CCDC7: variants seen among roughly 807,000 people sequenced by gnomAD.
CCDC7 encodes coiled-coil domain containing 7.
CCDC7 carries 183 observed loss-of-function variants against 196.9 expected under a neutral mutation model. The ratio of observed to expected loss-of-function variants is 0.93; its 90% CI spans 0.82 to 1.05. The LOEUF (loss-of-function observed/expected upper bound fraction) is 1.05. Among genes scored for constraint, CCDC7 ranks in the 50% least tolerant of loss-of-function variants. CCDC7 has a pLI of 0.00. For synonymous variants in CCDC7, 525 were observed against 484.6 expected, an observed-to-expected ratio of 1.08 and a Z score of -1.10; for missense variants, 1,540 against 1,482.2, an observed-to-expected ratio of 1.04 and a Z score of -0.64.
intron 21 of CCDC7, among the ~76,000 whole-genome samples, chr10:32,681,578 A>G (rs1207358596): frequency 6.6e-6 from 1 of 152,096 alleles, no homozygotes; most frequent in Non-Finnish European, 1.5e-5. Context: ...ACTACCTCCT[A>G]TGCCTGCAGT....
intron 41 of CCDC7, among the ~76,000 whole-genome samples, chr10:32,862,168 A>T (rs896534947): frequency 3.9e-5 from 6 of 152,162 alleles, no homozygotes; most frequent in African/African-American, 1.4e-4. Flanking sequence ...AACCAACCCA[A>T]ATGCCCATCA....
chr10:32,541,007 A>G (rs1241901543), intron 11 of CCDC7, among the ~76,000 whole-genome samples: 3 of 150,362 alleles, frequency 2.0e-5, no homozygotes, highest in Middle Eastern at 3.6e-3. Context: ...TCAGGAACCA[A>G]TCAGTCATAG....
chr10:32,784,566 T>C (rs186895855), intron 29 of CCDC7, among the ~76,000 whole-genome samples: 147 of 151,280 alleles, frequency 9.7e-4, no homozygotes, highest in Non-Finnish European at 1.6e-3. Flanking sequence ...CTCATTTCTT[T>C]TTATAAGCCA....
chr10:32,717,249 A>G (rs549599745), intron 25 of CCDC7, among the ~76,000 whole-genome samples: 1 of 152,330 alleles, frequency 6.6e-6, no homozygotes, highest in East Asian at 1.9e-4. Context: ...AGACAACTAC[A>G]TGGAAACTGA....
At chr10:32,670,624 G>A (rs1308556939) in intron 21 of CCDC7, among the ~76,000 whole-genome samples, 1 of 142,634 alleles carries the variant, frequency 7.0e-6, no homozygotes. Context: ...TCCCACCTAT[G>A]AGTGAGAATA....
At chr10:32,676,650 C>A (rs549907297) in intron 21 of CCDC7, among the ~76,000 whole-genome samples, 1 of 151,990 alleles carries the variant, frequency 6.6e-6, no homozygotes, top group East Asian at 1.9e-4. Context: ...CAGAGAAATG[C>A]AAATCAAAAC....
chr10:32,628,988 T>C (rs1480450867), intron 18 of CCDC7, among the ~76,000 whole-genome samples: 2 of 152,192 alleles, frequency 1.3e-5, no homozygotes, highest in African/African-American at 4.8e-5. Context: ...TTGGATGGAA[T>C]ATTCTGTATA....
At chr10:32,634,001 A>G (rs77141768) in intron 18 of CCDC7, among the ~76,000 whole-genome samples, 2,161 of 152,118 alleles carry the variant, frequency 0.014, 33 homozygotes, top group Middle Eastern at 0.027. Flanking sequence ...CATTCTAGAT[A>G]TGCATTTTTT....
chr10:32,789,171 C>A (rs1488463675), intron 29 of CCDC7, among the ~76,000 whole-genome samples: 1 of 139,700 alleles, frequency 7.2e-6, no homozygotes, highest in Non-Finnish European at 1.5e-5. Context: ...TGTGAAAATA[C>A]CAATGCATGG....
chr10:32,810,980 A>C (rs1042785826), intron 30 of CCDC7, among the ~76,000 whole-genome samples: 6 of 152,230 alleles, frequency 3.9e-5, no homozygotes, highest in Non-Finnish European at 8.8e-5. Context: ...GAAAATGAAA[A>C]TGCAACATAT....
chr10:32,740,007 C>G (rs2085550277), intron 28 of CCDC7, among the ~76,000 whole-genome samples: 1 of 152,074 alleles, frequency 6.6e-6, no homozygotes, highest in African/African-American at 2.4e-5. Context: ...CTATAATCCT[C>G]TAATTAGGTC....
At chr10:32,673,832 C>G (rs1412631618) in intron 21 of CCDC7, among the ~76,000 whole-genome samples, 2 of 151,922 alleles carry the variant, frequency 1.3e-5, no homozygotes, top group Non-Finnish European at 1.5e-5. Context: ...TTGATTCAGT[C>G]TTGGTAGGTT....
exon 24 of CCDC7, chr10:32,694,890 G>A: frequency 1.3e-6 from 2 of 1,592,912 alleles, no homozygotes; most frequent in Non-Finnish European, 1.7e-6. Context: ...TCATGATGAA[G>A]AACCAGGCAA....
intron 33 of CCDC7, among the ~76,000 whole-genome samples, chr10:32,837,077 A>T (rs2092662512): frequency 6.6e-6 from 1 of 152,168 alleles, no homozygotes; most frequent in Non-Finnish European, 1.5e-5. Flanking sequence ...GACAAACGGG[A>T]TCTAATTAAA....
chr10:32,551,407 C>T (rs955121427), intron 13 of CCDC7, among the ~76,000 whole-genome samples: 1 of 151,938 alleles, frequency 6.6e-6, no homozygotes, highest in Non-Finnish European at 1.5e-5. Flanking sequence ...TAGTTCTGCT[C>T]TGATCTTGGT....
chr10:32,821,296 A>G (rs1201059067), intron 31 of CCDC7, among the ~76,000 whole-genome samples: 2 of 152,154 alleles, frequency 1.3e-5, no homozygotes, highest in African/African-American at 4.8e-5. Flanking sequence ...GGCGATCATT[A>G]AAAAGTCAGG....
In CCDC7 at chr10:32,488,946, T is replaced by C. The variant is rs906526826; in HGVS notation, c.797-2976T>C. ...TGTGGCAGTTTAGTGTTCATGTAGC[T>C]TTTTCGGCTGTGGTTGATATGGGTA... On this transcript the variant is annotated intron_variant, in intron 8 of 41. Coordinates refer to ENST00000639629, the Ensembl canonical transcript of CCDC7. 3.9e-5 allele frequency among the ~76,000 whole-genome samples: 6 copies of C among 152,162 alleles called. No homozygotes were observed. The South Asian group carries it at 1.2e-3, about 32-fold the overall frequency.
chr10:32,799,813 G>A (rs2084402199), intron 29 of CCDC7, among the ~76,000 whole-genome samples: 1 of 152,192 alleles, frequency 6.6e-6, no homozygotes, highest in Admixed American at 6.5e-5. Flanking sequence ...TAATGGACCA[G>A]TGTGATATCT....
intron 11 of CCDC7, among the ~76,000 whole-genome samples, chr10:32,536,427 T>C (rs535450976): frequency 6.6e-6 from 1 of 152,206 alleles, no homozygotes; most frequent in Non-Finnish European, 1.5e-5. Context: ...GATTTTGAGA[T>C]GGCTTTTTGA....
Sources: allele counts gnomAD v4.1 joint callset (sites outside exome capture counted in the v4.1 genomes callset), GRCh38; gene constraint gnomAD v4.1.1; transcripts MANE v1.5; gene names NCBI Gene and HGNC (gene_info 2026-07-23, HGNC 2026-07-21).